The following ADAMTS17 variants were observed in gnomAD, a reference collection of about 807,000 sequenced individuals.
ADAMTS17 encodes ADAM metallopeptidase with thrombospondin type 1 motif 17.
Under a neutral mutation model 141.5 loss-of-function variants are expected in ADAMTS17, and 113 were observed. That is an observed-to-expected ratio of 0.80 (90% confidence interval 0.69 to 0.93). The LOEUF (loss-of-function observed/expected upper bound fraction) is 0.93, where lower values mean the gene tolerates loss of function less well. ADAMTS17 is among the 40% of genes least tolerant of loss of function. The pLI is 0.00. For synonymous variants in ADAMTS17, 768 were observed against 630.6 expected, an observed-to-expected ratio of 1.22 and a Z score of -3.27; for missense variants, 1,659 against 1,517.9, an observed-to-expected ratio of 1.09 and a Z score of -1.54.
intron 2 of ADAMTS17, among the ~76,000 whole-genome samples, chr15:100,340,484 C>T (rs1417535826): frequency 6.6e-6 from 1 of 152,198 alleles, no homozygotes; most frequent in African/African-American, 2.4e-5. Context: ...TCTCCTGTTT[C>T]TTACGTTTCA....
intron 13 of ADAMTS17, among the ~76,000 whole-genome samples, 157 bp from the exon 14 acceptor site, chr15:100,109,273 A>G (rs2036597921): frequency 6.6e-6 from 1 of 152,230 alleles, no homozygotes; most frequent in African/African-American, 2.4e-5. Flanking sequence ...GGAAGCGGAA[A>G]AAGACCCACA....
At chr15:100,022,770 C>G (rs2061429137) in intron 18 of ADAMTS17, among the ~76,000 whole-genome samples, 1 of 152,126 alleles carries the variant, frequency 6.6e-6, no homozygotes, top group Admixed American at 6.5e-5. Flanking sequence ...ACCGTAACCA[C>G]TTTCAACTGA....
At chr15:100,244,618 T>A (rs994030892) in intron 7 of ADAMTS17, among the ~76,000 whole-genome samples, 1 of 152,008 alleles carries the variant, frequency 6.6e-6, no homozygotes, top group Admixed American at 6.5e-5. Context: ...CACCTGGTGA[T>A]GGGCTCAGCC....
intron 7 of ADAMTS17, among the ~76,000 whole-genome samples, chr15:100,207,187 C>T (rs1464120289): frequency 2.0e-5 from 3 of 152,106 alleles, no homozygotes; most frequent in African/African-American, 7.2e-5. Flanking sequence ...AGAAGAGACA[C>T]TAGAGGTATT....
At chr15:100,151,873 C>A (rs1279096522) in intron 10 of ADAMTS17, among the ~76,000 whole-genome samples, 2 of 152,236 alleles carry the variant, frequency 1.3e-5, no homozygotes, top group Non-Finnish European at 2.9e-5. Flanking sequence ...AAGTCACAGA[C>A]CTTGCTGTTT....
At chr15:100,153,867 G>A (rs11636424) in intron 9 of ADAMTS17, among the ~76,000 whole-genome samples, 18,270 of 152,028 alleles carry the variant, frequency 0.12, 1,138 homozygotes, top group South Asian at 0.2. Flanking sequence ...CACCAGTGCT[G>A]TGTACATGAG....
intron 15 of ADAMTS17, among the ~76,000 whole-genome samples, chr15:100,062,176 G>A (rs1453999898): frequency 1.3e-5 from 2 of 152,198 alleles, no homozygotes; most frequent in Non-Finnish European, 2.9e-5. Flanking sequence ...TCCATGCAGG[G>A]GAGGTGAAAA....
At chr15:100,113,425 C>T (rs577771465) in intron 13 of ADAMTS17, among the ~76,000 whole-genome samples, 31 of 152,198 alleles carry the variant, frequency 2.0e-4, no homozygotes, top group Non-Finnish European at 5.9e-5. Flanking sequence ...GACAGACCCA[C>T]GTGACTGACT....
intron 7 of ADAMTS17, among the ~76,000 whole-genome samples, chr15:100,212,292 G>A (rs1449915140): frequency 6.6e-6 from 1 of 152,130 alleles, no homozygotes; most frequent in Non-Finnish European, 1.5e-5. Context: ...TCTGCCCCCA[G>A]GGAATGTACA....
intron 18 of ADAMTS17, among the ~76,000 whole-genome samples, chr15:100,029,996 C>T (rs1000711135): frequency 6.6e-6 from 1 of 152,202 alleles, no homozygotes; most frequent in Non-Finnish European, 1.5e-5. Context: ...GATTTCAGCA[C>T]AGTAGAGCCA....
At chr15:100,061,750 G>A (rs1007297854) in intron 15 of ADAMTS17, among the ~76,000 whole-genome samples, 26 of 152,220 alleles carry the variant, frequency 1.7e-4, no homozygotes, top group African/African-American at 6.0e-4. Context: ...GGACTTACTC[G>A]CAGGGACACC....
At chr15:100,068,275 C>G (rs1333713754) in intron 15 of ADAMTS17, among the ~76,000 whole-genome samples, 1 of 152,046 alleles carries the variant, frequency 6.6e-6, no homozygotes, top group East Asian at 1.9e-4. Flanking sequence ...TGGGTGGAGC[C>G]CACCGCAGCT....
At chr15:100,305,328 T>C (rs887640591) in intron 3 of ADAMTS17, among the ~76,000 whole-genome samples, 3 of 152,260 alleles carry the variant, frequency 2.0e-5, no homozygotes, top group African/African-American at 7.2e-5. Flanking sequence ...TTTGTTTACC[T>C]ATTTAGGATG....
In ADAMTS17 at chr15:100,109,131, G is replaced by A; in HGVS notation, c.1889-15C>T. ...ACATGGCTTATCTGAGGAGGGAAAG[G>A]TTGGAGGACGTTGACACGGGAAGGT... On this transcript the variant is annotated splice_polypyrimidine_tract_variant and intron_variant, in intron 13 of 21. Coordinates refer to ENST00000268070, the MANE Select transcript of ADAMTS17 (RefSeq NM_139057.4). 1 of 1,599,272 alleles carries A rather than the reference G, an allele frequency of 6.3e-7. No individual in the cohort carries two copies. The highest frequency in any genetic ancestry group is 1.1e-5 in the South Asian group (1 of 89,502).
chr15:99,974,043 T>C lies in ADAMTS17; in HGVS notation c.*359A>G, dbSNP rs150430121. On this transcript the variant is annotated 3_prime_UTR_variant, in exon 22 of 22. Transcript: ENST00000268070. ...TTTTGGGGATGTTTCCTCCATGATA[T>C]ACCAAGCACTGGAAATTCAAATGTC... 1.5e-4 allele frequency: 55 copies of C among 367,684 alleles called. No individual in the cohort carries two copies. In the East Asian group the frequency reaches 3.6e-3, roughly 24 times the overall value. The allele number at this position is 367,684 out of a possible 1,614,324, so 22.8% of individuals were successfully genotyped here. A position where few individuals can be genotyped will look rare whatever the true frequency, so the allele number is the denominator to read the frequency against.
At chr15:100,282,779 T>C (rs1347290939) in intron 3 of ADAMTS17, among the ~76,000 whole-genome samples, 1 of 151,984 alleles carries the variant, frequency 6.6e-6, no homozygotes, top group Non-Finnish European at 1.5e-5. Flanking sequence ...AATATACAAC[T>C]ATAGATAAAG....
intron 15 of ADAMTS17, among the ~76,000 whole-genome samples, chr15:100,061,745 T>C (rs1335564207): frequency 6.6e-6 from 1 of 152,204 alleles, no homozygotes; most frequent in African/African-American, 2.4e-5. Flanking sequence ...CCAAGGGACT[T>C]ACTCGCAGGG....
In ADAMTS17 at chr15:100,096,213, C is replaced by T. The variant is rs2035746484; in HGVS notation, c.2137+143G>A. 2.1e-6 allele frequency: 3 copies of T among 1,428,216 alleles called. No homozygotes were observed. In the African/African-American group the frequency reaches 4.2e-5, roughly 20 times the overall value. The allele number at this position is 1,428,216 out of a possible 1,614,324, so 88.5% of individuals were successfully genotyped here. A position where few individuals can be genotyped will look rare whatever the true frequency, so the allele number is the denominator to read the frequency against. On this transcript the variant is annotated intron_variant, in intron 15 of 21. Transcript: ENST00000268070. ...TGCTAAAATGTCCTTTCTTGCTTTT[C>T]AGAAATGAAACTGAAGTTCCAGGTC...
At chr15:100,043,489 C>A (rs1357388387) in intron 18 of ADAMTS17, among the ~76,000 whole-genome samples, 1 of 152,190 alleles carries the variant, frequency 6.6e-6, no homozygotes, top group Non-Finnish European at 1.5e-5. Context: ...ACCTGCAGAG[C>A]TCTGGCTCAT....
Sources: allele counts gnomAD v4.1 joint callset (sites outside exome capture counted in the v4.1 genomes callset), GRCh38; gene constraint gnomAD v4.1.1; transcripts MANE v1.5; gene names NCBI Gene and HGNC (gene_info 2026-07-23, HGNC 2026-07-21).